Variants in IL9R observed in about 807,000 individuals in gnomAD.
IL9R encodes the protein interleukin 9 receptor.
A neutral mutation model predicts 56.3 loss-of-function variants in IL9R; 54 were observed. The observed-to-expected ratio is 0.96, with a 90% CI of 0.77 to 1.20. The LOEUF (loss-of-function observed/expected upper bound fraction) is 1.20. Among genes scored for constraint, IL9R ranks in the 50% most tolerant of loss-of-function variants. The probability of loss-of-function intolerance (pLI) is 0.00; values close to 1 mark genes in which losing one functional copy is unlikely to be tolerated. For synonymous variants in IL9R, 212 were observed against 250.2 expected (o/e 0.85, Z 1.44); for missense variants, 545 against 629.8 (o/e 0.87, Z 1.44).
rs756900392 is a variant in IL9R at position 156,007,398 on chromosome X, G to A, written c.888-125G>A. 1.7e-5 allele frequency: 12 copies of A among 721,674 alleles called. No individual in the cohort carries two copies. The Admixed American group carries it at 2.6e-4, about 16-fold the overall frequency. 44.7% of individuals were successfully genotyped at this position (721,674 alleles called of 1,614,324 possible). ...GAGTGGGTTGGAATGTGATGAGATG[G>A]GAGAGAGGCAGTGGCAGGGACGAGG... On this transcript the variant is annotated intron_variant, in intron 7 of 8. Coordinates refer to ENST00000244174, the MANE Select transcript of IL9R (RefSeq NM_002186.3).
At chrX:156,009,039 GTGTGTT>G (rs2068223484) in intron 8 of IL9R, among the ~76,000 whole-genome samples, 1 of 150,194 alleles carries the variant, frequency 6.7e-6, no homozygotes. Flanking sequence ...CTGTATCTGT[GTGTGTT>G]TGTGTCTGTG....
At chrX:156,009,246 GTGTGTCTGTGTGTGTGTGTT>G (rs2068282902) in intron 8 of IL9R, among the ~76,000 whole-genome samples, 1 of 35,840 alleles carries the variant, frequency 2.8e-5, no homozygotes, top group East Asian at 3.5e-3. Flanking sequence ...CGTGTGGTGT[GTGTGTCTGTGTGTGTGTGTT>G]TGTGTGTGTA....
At chrX:156,008,370 C>G in intron 8 of IL9R, among the ~76,000 whole-genome samples, 1 of 151,490 alleles carries the variant, frequency 6.6e-6, no homozygotes. Context: ...ACTGTGGCTC[C>G]AGCTTACTAT....
chrX:156,005,481 T>C lies in IL9R; in HGVS notation c.781+2T>C. Reference sequence around the variant, plus strand: ...GCTTCCAGGCTCCCCAGAGACAAGGTGGGCACTGCTGTGGCTGCTGCACTT... The same window carrying C: ...GCTTCCAGGCTCCCCAGAGACAAGGCGGGCACTGCTGTGGCTGCTGCACTT... On this transcript the variant is annotated splice_donor_variant, in intron 6 of 8. Transcript: ENST00000244174. LOFTEE classifies it high-confidence loss of function. 1 of 1,611,512 alleles carries C rather than the reference T, an allele frequency of 6.2e-7. No individual in the cohort carries two copies. Among genetic ancestry groups the C allele is most frequent in the Non-Finnish European group, 8.5e-7 (1 of 1,178,832 alleles).
At chrX:156,006,635 T>C (rs951022771) in intron 7 of IL9R, among the ~76,000 whole-genome samples, 2 of 151,716 alleles carry the variant, frequency 1.3e-5, no homozygotes, top group Non-Finnish European at 2.9e-5. Flanking sequence ...ACAAGGGCCC[T>C]CCTTAAATAA....
Position 155,997,746 on chromosome X carries a change from G to A in IL9R, c.-14G>A. The A allele has an allele frequency of 4.3e-6, 7 of 1,613,624 alleles. No individual in the cohort carries two copies. Among genetic ancestry groups the A allele is most frequent in the Non-Finnish European group, 5.9e-6 (7 of 1,179,604 alleles). ...GACAAATCACCTCCAGGTTGGGGAT[G>A]CCTCAGACTTGTGATGGGACTGGGC... is the stretch of plus-strand genomic sequence containing the variant. On this transcript the variant is annotated 5_prime_UTR_variant, in exon 1 of 9. The change abolishes an upstream ATG in the 5' untranslated region. Transcript: ENST00000244174.
chrX:156,004,218 G>T, intron 4 of IL9R: 1 of 612,446 alleles, frequency 1.6e-6, no homozygotes. Flanking sequence ...AAACCACCTA[G>T]TCTAGGTGCA....
intron 1 of IL9R, among the ~76,000 whole-genome samples, chrX:155,999,196 C>T (rs1488976915): frequency 6.6e-6 from 1 of 152,018 alleles, no homozygotes; most frequent in Non-Finnish European, 1.5e-5. Context: ...GCAGGGGTCT[C>T]CTCCACGCCT....
chrX:156,009,252 C>CTGTGTGTGTGTTTA (rs2068286106), intron 8 of IL9R, among the ~76,000 whole-genome samples: 1 of 69,610 alleles, frequency 1.4e-5, no homozygotes, highest in African/African-American at 5.4e-5. Context: ...GTGTGTGTGT[C>CTGTGTGTGTGTTTA]TGTGTGTGTG....
chrX:155,998,993 C>CT (rs1316377738), intron 1 of IL9R, among the ~76,000 whole-genome samples: 4 of 152,110 alleles, frequency 2.6e-5, no homozygotes, highest in African/African-American at 9.7e-5. Context: ...CACTCCAGCC[C>CT]TGGCCCATGG....
In IL9R at chrX:156,003,003, C is replaced by T. The variant is rs1411758101; in HGVS notation, c.126C>T (p.Val42=). ...CCTGTGTCTGCTTGGGAGTCTCTGT[C>T]ACAGGGGAAGGACAAGGTGAGGGCT... ...ICTCVCLGVS[V]TGEGQGPRSR... The change falls in exon 2 of 9, where the codon GTC becomes GTT. Residue 42 remains valine (V), a synonymous_variant. Transcript: ENST00000244174. 1.2e-6 allele frequency: 2 copies of T among 1,613,796 alleles called. No homozygotes were observed. The highest frequency in any genetic ancestry group is 2.7e-5 in the African/African-American group (2 of 74,980).
At chrX:156,003,620 A>G in intron 3 of IL9R, 57 bp from the exon 4 acceptor site, 1 of 1,611,218 alleles carries the variant, frequency 6.2e-7, no homozygotes, top group African/African-American at 1.3e-5. Flanking sequence ...CCAGGATTGA[A>G]GCAGCTATGC....
At chrX:156,006,730 T>A (rs951079604) in intron 7 of IL9R, among the ~76,000 whole-genome samples, 4 of 151,518 alleles carry the variant, frequency 2.6e-5, no homozygotes, top group African/African-American at 9.7e-5. Context: ...GAAGAGGGTG[T>A]GGGGAGAGGG....
Position 156,009,787 on chromosome X carries a change from C to A in IL9R, c.973-29C>A. On this transcript the variant is annotated intron_variant, in intron 8 of 8. Transcript: ENST00000244174. ...ATGAGTTCTGAACATGCTACCTGAG[C>A]CCTTCCCTCCTCCCGTGCTCTGTTC... 4 of 1,102,464 alleles carry A rather than the reference C, an allele frequency of 3.6e-6. 1 individual carries two copies. Among genetic ancestry groups the A allele is most frequent in the Non-Finnish European group, 4.8e-6 (4 of 832,082 alleles). The allele number at this position is 1,102,464 out of a possible 1,614,324, so 68.3% of individuals were successfully genotyped here. A position where few individuals can be genotyped will look rare whatever the true frequency, so the allele number is the denominator to read the frequency against.
chrX:156,006,195 G>A lies in IL9R; in HGVS notation c.887+7G>A, dbSNP rs765671677. On this transcript the variant is annotated splice_region_variant and intron_variant, in intron 7 of 8. Coordinates refer to ENST00000244174, the MANE Select transcript of IL9R (RefSeq NM_002186.3). ...TGTTCAAGCTGTCGCCCAGGTAGGT[G>A]GCTGATGTGTGCGTGTGTGTACATG... The A allele has an allele frequency of 2.7e-6, 3 of 1,095,440 alleles. No homozygotes were observed. The highest frequency in any genetic ancestry group is 2.5e-5 in the South Asian group (2 of 79,772). The allele number at this position is 1,095,440 out of a possible 1,614,324, so 67.9% of individuals were successfully genotyped here.
At chrX:156,012,973 GC>G (rs1340698073), downstream of IL9R, among the ~76,000 whole-genome samples, 8 of 150,128 alleles carry the variant, frequency 5.3e-5, no homozygotes, top group East Asian at 1.6e-3. Flanking sequence ...CAGTACCTCT[GC>G]TGCCACTGTG....
At chrX:156,009,264 G>GTTTATGTGTGTGTGTCTGTGTGTGT (rs1569479094) in intron 8 of IL9R, among the ~76,000 whole-genome samples, 1 of 44,778 alleles carries the variant, frequency 2.2e-5, no homozygotes, top group Non-Finnish European at 5.0e-5. Flanking sequence ...GTGTGTGTGT[G>GTTTATGTGTGTGTGTCTGTGTGTGT]TTTGTGTGTG....
intron 1 of IL9R, among the ~76,000 whole-genome samples, chrX:155,998,318 C>A (rs1384573867): frequency 1.3e-5 from 2 of 151,736 alleles, no homozygotes; most frequent in African/African-American, 4.8e-5. Flanking sequence ...GGTGGGATTC[C>A]AGAGGGAGGG....
At chrX:156,005,667 G>T (rs771820975) in intron 6 of IL9R, among the ~76,000 whole-genome samples, 188 bp downstream of exon 6, 25 of 152,204 alleles carry the variant, frequency 1.6e-4, no homozygotes, top group Non-Finnish European at 2.8e-4. Context: ...GCCAACTCTG[G>T]GGCTTCCTGG....
Sources: allele counts gnomAD v4.1 joint callset (sites outside exome capture counted in the v4.1 genomes callset), GRCh38; gene constraint gnomAD v4.1.1; transcripts MANE v1.5; gene names NCBI Gene and HGNC (gene_info 2026-07-23, HGNC 2026-07-21).